The following CFAP97 variants were observed in gnomAD, a reference collection of about 807,000 sequenced individuals.
CFAP97 encodes cilia and flagella associated protein 97.
In CFAP97, 36 loss-of-function variants were observed where a neutral mutation model predicts 43.1. The observed-to-expected ratio is 0.84, with a 90% CI of 0.64 to 1.10. CFAP97 has a LOEUF of 1.10. Among genes scored for constraint, CFAP97 ranks in the 50% least tolerant of loss-of-function variants. The pLI is 0.00. For missense variants in CFAP97, 657 were observed against 620.3 expected (o/e 1.06, Z -0.63); for synonymous variants, 228 against 225.7 (o/e 1.01, Z -0.09).
intron 1 of CFAP97, among the ~76,000 whole-genome samples, chr4:185,198,302 G>A (rs1252045790): frequency 6.6e-6 from 1 of 151,836 alleles, no homozygotes; most frequent in East Asian, 1.9e-4. Flanking sequence ...AACCAGCCAG[G>A]TGTGGTGGCA....
intron 2 of CFAP97, among the ~76,000 whole-genome samples, chr4:185,186,786 T>C (rs1736022584): frequency 1.3e-5 from 2 of 152,226 alleles, no homozygotes; most frequent in African/African-American, 4.8e-5. Flanking sequence ...ATTTCTAATA[T>C]GGTAAATATT....
At chr4:185,208,203 G>T (rs3108238), upstream of CFAP97, among the ~76,000 whole-genome samples, 1 of 151,640 alleles carries the variant, frequency 6.6e-6, no homozygotes, top group Non-Finnish European at 1.5e-5. Context: ...CCACCTCCGG[G>T]GTTCAAGTTT....
chr4:185,195,205 C>G (rs928803074), intron 1 of CFAP97, among the ~76,000 whole-genome samples: 9 of 152,232 alleles, frequency 5.9e-5, no homozygotes, highest in Middle Eastern at 6.8e-3. Flanking sequence ...TAAAAAGCAA[C>G]GAGGCTGGCA....
At position 185,162,599 on chromosome 4, in the gene CFAP97, T is replaced by C; in HGVS notation, c.*199A>G. On this transcript the variant is annotated 3_prime_UTR_variant, in exon 5 of 5. Transcript: ENST00000458385. Reference sequence around the variant, plus strand: ...TAAGAACACATACATCTCATATAAATACATCCTCAGGAAACACTTTTTACA... The same window carrying C: ...TAAGAACACATACATCTCATATAAACACATCCTCAGGAAACACTTTTTACA... 1.7e-6 allele frequency: 1 copy of C among 581,502 alleles called. No homozygotes were observed. Among genetic ancestry groups the C allele is most frequent in the African/African-American group, 1.9e-5 (1 of 52,704 alleles). The allele number at this position is 581,502 out of a possible 1,614,324, so 36.0% of individuals were successfully genotyped here.
chr4:185,192,921 T>C (rs3108232), intron 1 of CFAP97, among the ~76,000 whole-genome samples: 73,950 of 151,152 alleles, frequency 0.49, 18,485 homozygotes, highest in East Asian at 0.59. Flanking sequence ...TTTGTAGTTT[T>C]AGTAGAGACG....
At chr4:185,168,708 C>A (rs1283345503) in intron 3 of CFAP97, among the ~76,000 whole-genome samples, 62 of 152,260 alleles carry the variant, frequency 4.1e-4, no homozygotes, top group Non-Finnish European at 2.2e-4. Context: ...GCCTGGCCAA[C>A]ATGGCGAAAC....
chr4:185,162,737 G>C lies in CFAP97; in HGVS notation c.*61C>G. ...CTAGATGTTTACACAGAGAATTATA[G>C]GAATATGCACGAGCACTTCAAGAAA... On this transcript the variant is annotated 3_prime_UTR_variant, in exon 5 of 5. Transcript: ENST00000458385. 1 of 1,530,620 alleles carries C rather than the reference G, an allele frequency of 6.5e-7. No individual in the cohort carries two copies. The allele number at this position is 1,530,620 out of a possible 1,614,324, so 94.8% of individuals were successfully genotyped here. A position where few individuals can be genotyped will look rare whatever the true frequency, so the allele number is the denominator to read the frequency against.
chr4:185,175,270 CTCT>C (rs1184180657), intron 3 of CFAP97, among the ~76,000 whole-genome samples: 1 of 150,786 alleles, frequency 6.6e-6, no homozygotes, highest in Non-Finnish European at 1.5e-5. Flanking sequence ...CTTTTTTCTT[CTCT>C]TTTCTTTTTT....
At chr4:185,167,431 C>T (rs941976655) in intron 3 of CFAP97, among the ~76,000 whole-genome samples, 3 of 152,158 alleles carry the variant, frequency 2.0e-5, no homozygotes, top group Non-Finnish European at 2.9e-5. Context: ...CACCACTAGA[C>T]TCCAGCCTGG....
chr4:185,208,020 G>A (rs930637699), upstream of CFAP97, among the ~76,000 whole-genome samples: 1 of 152,072 alleles, frequency 6.6e-6, no homozygotes, highest in East Asian at 1.9e-4. Flanking sequence ...GGGTTGGTAG[G>A]GTACACTTTG....
chr4:185,208,263 G>C (rs554198302), upstream of CFAP97, among the ~76,000 whole-genome samples: 1 of 151,892 alleles, frequency 6.6e-6, no homozygotes, highest in Admixed American at 6.6e-5. Flanking sequence ...TGATCTGCCC[G>C]CCTCAGCCTC....
At chr4:185,207,175 C>G (rs1027676176), upstream of CFAP97, among the ~76,000 whole-genome samples, 2 of 151,108 alleles carry the variant, frequency 1.3e-5, no homozygotes, top group South Asian at 2.1e-4. Flanking sequence ...TAATCCCAAT[C>G]CAGTCAAATT....
intron 2 of CFAP97, among the ~76,000 whole-genome samples, chr4:185,181,637 G>A (rs545346719): frequency 1.2e-4 from 18 of 152,250 alleles, no homozygotes; most frequent in African/African-American, 3.6e-4. Context: ...CATAGTCTTA[G>A]TGAAAACAGT....
At chr4:185,189,449 C>A (rs1221745133) in intron 2 of CFAP97, among the ~76,000 whole-genome samples, 1 of 152,066 alleles carries the variant, frequency 6.6e-6, no homozygotes, top group African/African-American at 2.4e-5. Flanking sequence ...GACCTAAAAC[C>A]CACCCAGTAT....
chr4:185,195,081 A>G (rs144255252), intron 1 of CFAP97, among the ~76,000 whole-genome samples: 344 of 152,320 alleles, frequency 2.3e-3, no homozygotes, highest in African/African-American at 8.0e-3. Context: ...ATGAGGAACA[A>G]CTTTACTGTC....
intron 2 of CFAP97, among the ~76,000 whole-genome samples, chr4:185,184,707 C>A (rs892273406): frequency 1.3e-5 from 2 of 152,162 alleles, no homozygotes; most frequent in African/African-American, 2.4e-5. Context: ...TTGTTTCATT[C>A]GGAATTCCCT....
chr4:185,171,822 G>T (rs1273059096), intron 3 of CFAP97, among the ~76,000 whole-genome samples: 1 of 152,154 alleles, frequency 6.6e-6, no homozygotes, highest in Non-Finnish European at 1.5e-5. Context: ...CTGCAGCCTT[G>T]ACCTCCCAGG....
At chr4:185,164,234 C>A in intron 3 of CFAP97, 55 bp from the exon 4 acceptor site, 3 of 1,498,004 alleles carry the variant, frequency 2.0e-6, no homozygotes. Context: ...TCATTTTTAA[C>A]AAGGCAATAC....
intron 4 of CFAP97, 105 bp from the exon 5 acceptor site, chr4:185,163,030 AT>A (rs1380210021): frequency 4.0e-6 from 4 of 993,082 alleles, no homozygotes; most frequent in Non-Finnish European, 5.3e-6. Context: ...TAATGCTATG[AT>A]TCTCGACTAG....
Sources: allele counts gnomAD v4.1 joint callset (sites outside exome capture counted in the v4.1 genomes callset), GRCh38; gene constraint gnomAD v4.1.1; transcripts MANE v1.5; gene names NCBI Gene and HGNC (gene_info 2026-07-23, HGNC 2026-07-21).